Variants in GALNS observed in about 807,000 individuals in gnomAD.
GALNS encodes the protein N-acetylgalactosamine-6-sulfatase.
GALNS carries 65 observed loss-of-function variants against 65.9 expected under a neutral mutation model. The observed-to-expected ratio is 0.99, with a 90% CI of 0.81 to 1.21. The LOEUF is 1.21. Ranked by LOEUF, GALNS falls within the 50% of genes most tolerant of loss-of-function variation. The pLI is 0.00. For missense variants in GALNS, 776 were observed against 700.7 expected (o/e 1.11, Z -1.21); for synonymous variants, 346 against 288.9 (o/e 1.20, Z -2.00).
chr16:88,845,749 A>C (rs1401172043), intron 1 of GALNS: 1 of 151,676 alleles, frequency 6.6e-6, no homozygotes, highest in Non-Finnish European at 1.5e-5. Context: ...GTCTCAAAAA[A>C]AAAAAAAGGG....
intron 9 of GALNS, among the ~76,000 whole-genome samples, chr16:88,830,831 G>A (rs1260824890): frequency 2.0e-5 from 3 of 152,170 alleles, no homozygotes; most frequent in Non-Finnish European, 2.9e-5. Context: ...TCGGGCTGCT[G>A]CTGTTCTCTG....
At chr16:88,829,867 G>T (rs1911307567) in intron 9 of GALNS, among the ~76,000 whole-genome samples, 1 of 152,244 alleles carries the variant, frequency 6.6e-6, no homozygotes, top group Non-Finnish European at 1.5e-5. Flanking sequence ...CCGCTCATCA[G>T]CGAGGCTCGA....
intron 8 of GALNS, among the ~76,000 whole-genome samples, chr16:88,833,605 C>A (rs1243502782): frequency 1.3e-5 from 2 of 152,134 alleles, no homozygotes; most frequent in African/African-American, 2.4e-5. Flanking sequence ...GTGCCCGCCA[C>A]CACGCCTGGC....
At chr16:88,816,164 G>C in intron 13 of GALNS, 1 of 985,452 alleles carries the variant, frequency 1.0e-6, no homozygotes, top group Non-Finnish European at 1.2e-6. Flanking sequence ...TGGCGGTGGG[G>C]GCAGTTCCCC....
In GALNS at chr16:88,834,307, C is replaced by A. The variant is rs115006408; in HGVS notation, c.898+906G>T. 5.1e-3 allele frequency among the ~76,000 whole-genome samples: 700 copies of A among 137,334 alleles called. 8 individuals are homozygous for A. The highest frequency in any genetic ancestry group is 0.01 in the South Asian group (41 of 3,934). The allele number at this position is 137,334 out of a possible 152,430, so 90.1% of individuals were successfully genotyped here. A position where few individuals can be genotyped will look rare whatever the true frequency, so the allele number is the denominator to read the frequency against. ...AGGCGCCCCCCGACATGGTCTGGGA[C>A]GAGGCTGTAGGGCTCTCCCCACCAC... On this transcript the variant is annotated intron_variant, in intron 8 of 13. Coordinates refer to ENST00000268695, the MANE Select transcript of GALNS (RefSeq NM_000512.5).
Position 88,842,691 on chromosome 16 carries a change from G to A in GALNS, c.244+15C>T, listed in dbSNP as rs1967031076. The A allele has an allele frequency of 6.2e-7, 1 of 1,611,818 alleles. No homozygotes were observed. Among genetic ancestry groups the A allele is most frequent in the East Asian group, 2.2e-5 (1 of 44,842 alleles). ...GGCTCACCCCTTCCTGGGGGCGAGGGCCCCGCTGACTTACATGGCGAGCAC... is the reference window on the plus strand; with the variant it reads ...GGCTCACCCCTTCCTGGGGGCGAGGACCCCGCTGACTTACATGGCGAGCAC... On this transcript the variant is annotated intron_variant, in intron 2 of 13. Coordinates refer to ENST00000268695, the MANE Select transcript of GALNS (RefSeq NM_000512.5).
intron 13 of GALNS, chr16:88,815,906 G>A (rs1909573497): frequency 3.0e-6 from 3 of 985,452 alleles, no homozygotes; most frequent in Non-Finnish European, 3.6e-6. Context: ...CCCAGAAGCA[G>A]GGGTCCAGGT....
rs116209786 is a variant in GALNS at position 88,818,367 on chromosome 16, G to A, written c.1365-243C>T. Among the ~76,000 whole-genome samples the A allele has an allele frequency of 0.033, 4,967 of 152,320 alleles. 261 individuals are homozygous for A. Among genetic ancestry groups the A allele is most frequent in the African/African-American group, 0.11 (4,725 of 41,552 alleles). On this transcript the variant is annotated intron_variant, in intron 12 of 13. Transcript: ENST00000268695. ...AGGAAATGAAGGCTCAGCAGGCCAA[G>A]CCCTGGCAGAGAGGCTGTGAGTAGA...
Position 88,843,651 on chromosome 16 carries a change from G to C in GALNS, c.121-822C>G, listed in dbSNP as rs1477740161. Reference sequence around the variant, plus strand: ...TGGAGTGACGCAGCCACCAGCCAGGGGACAGCAAGGACCTTCCTGGAGAGC... The same window carrying C: ...TGGAGTGACGCAGCCACCAGCCAGGCGACAGCAAGGACCTTCCTGGAGAGC... On this transcript the variant is annotated intron_variant, in intron 1 of 13. Transcript: ENST00000268695. 3.4e-5 allele frequency: 6 copies of C among 174,246 alleles called. No homozygotes were observed. The South Asian group carries it at 8.0e-4, about 23-fold the overall frequency. 10.8% of individuals were successfully genotyped at this position (174,246 alleles called of 1,614,324 possible).
intron 13 of GALNS, chr16:88,817,233 C>A (rs1909724578): frequency 1.0e-6 from 1 of 971,972 alleles, no homozygotes. Flanking sequence ...CTGCTGCGGC[C>A]CCCAGGGCTG....
chr16:88,842,277 G>A (rs112342405), intron 2 of GALNS: 49 of 543,924 alleles, frequency 9.0e-5, no homozygotes, highest in African/African-American at 1.7e-4. Flanking sequence ...CCCCATCCTC[G>A]AGCACCAGCC....
At chr16:88,854,222 G>A (rs558268090) in intron 1 of GALNS, among the ~76,000 whole-genome samples, 79 of 152,352 alleles carry the variant, frequency 5.2e-4, no homozygotes, top group African/African-American at 1.8e-3. Flanking sequence ...GCCAGAGGCC[G>A]AATGACCTGT....
intron 8 of GALNS, 138 bp from the exon 9 acceptor site, chr16:88,832,239 G>A (rs1394089518): frequency 1.0e-5 from 8 of 794,250 alleles, no homozygotes; most frequent in Admixed American, 4.1e-5. Context: ...TGCATGATCC[G>A]AGCCTCGGGG....
chr16:88,848,435 C>A (rs1967352163), intron 1 of GALNS, among the ~76,000 whole-genome samples: 1 of 152,094 alleles, frequency 6.6e-6, no homozygotes, highest in Non-Finnish European at 1.5e-5. Context: ...AGATCGAGAC[C>A]ATCCTTGCTA....
chr16:88,855,532 A>T (rs990365574), intron 1 of GALNS: 1 of 702,356 alleles, frequency 1.4e-6, no homozygotes. Flanking sequence ...ACTGCACACA[A>T]ATAAGACATA....
intron 4 of GALNS, 198 bp downstream of exon 4, chr16:88,840,794 G>C (rs1966928914): frequency 3.2e-6 from 2 of 624,180 alleles, no homozygotes; most frequent in Non-Finnish European, 5.8e-6. Context: ...GGACCAGCCT[G>C]GTGACCTGAG....
In GALNS at chr16:88,837,635, C is replaced by T; in HGVS notation, c.553G>A (p.Glu185Lys). The T allele has an allele frequency of 1.2e-6, 2 of 1,613,542 alleles. No individual in the cohort carries two copies. Among genetic ancestry groups the T allele is most frequent in the Non-Finnish European group, 1.7e-6 (2 of 1,179,996 alleles). Residue 185 changes from glutamate (E) to lysine (K), a missense_variant, in exon 5 of 14, where the codon GAG becomes AAG. Transcript: ENST00000268695. ...GGGCTCCATTACCTGCCAACCATCT[C>T]CCAGTCCCTGTACACAGGGATGTTG... Reference protein sequence around the residue: ...RPNIPVYRDWEMVGRYYEEFP... With the variant: ...RPNIPVYRDWKMVGRYYEEFP...
At chr16:88,839,283 G>A (rs551795364) in intron 4 of GALNS, among the ~76,000 whole-genome samples, 1 of 148,370 alleles carries the variant, frequency 6.7e-6, no homozygotes. Context: ...GGGGACACTC[G>A]TGCGCCAACG....
chr16:88,826,945 G>A, intron 9 of GALNS, 107 bp from the exon 10 acceptor site: 2 of 1,331,272 alleles, frequency 1.5e-6, no homozygotes, highest in Non-Finnish European at 2.1e-6. Flanking sequence ...TGGGTCTACA[G>A]ATATGCATAC....
Sources: allele counts gnomAD v4.1 joint callset (sites outside exome capture counted in the v4.1 genomes callset), GRCh38; gene constraint gnomAD v4.1.1; transcripts MANE v1.5; gene names NCBI Gene and HGNC (gene_info 2026-07-23, HGNC 2026-07-21).